ALDH1A2: variants seen among roughly 807,000 people sequenced by gnomAD.
ALDH1A2 encodes the protein retinal dehydrogenase 2.
ALDH1A2 carries 27 observed loss-of-function variants against 60.3 expected under a neutral mutation model. The ratio of observed to expected loss-of-function variants is 0.45; its 90% CI spans 0.33 to 0.62. The LOEUF is 0.62. Ranked by LOEUF, ALDH1A2 falls within the 20% of genes least tolerant of loss-of-function variation. The pLI is 0.02. For missense variants in ALDH1A2, 581 were observed against 643.8 expected (o/e 0.90, Z 1.06); for synonymous variants, 289 against 232.4 (o/e 1.24, Z -2.21).
chr15:57,975,614 A>G (rs1894222295), intron 7 of ALDH1A2, among the ~76,000 whole-genome samples: 1 of 152,230 alleles, frequency 6.6e-6, no homozygotes, highest in Admixed American at 6.5e-5. Context: ...TGAATTCAGA[A>G]TAGTTAAACT....
At chr15:57,996,980 G>C (rs1895085461) in intron 4 of ALDH1A2, among the ~76,000 whole-genome samples, 1 of 151,940 alleles carries the variant, frequency 6.6e-6, no homozygotes. Flanking sequence ...GGATATTAAG[G>C]AAATTAGGCC....
At chr15:57,974,853 C>T (rs1289269698) in intron 7 of ALDH1A2, among the ~76,000 whole-genome samples, 1 of 152,158 alleles carries the variant, frequency 6.6e-6, no homozygotes, top group East Asian at 1.9e-4. Context: ...CCAGAATATA[C>T]TAACAATTTT....
At chr15:57,955,910 T>C (rs1414777774) in intron 12 of ALDH1A2, among the ~76,000 whole-genome samples, 3 of 152,168 alleles carry the variant, frequency 2.0e-5, no homozygotes, top group Non-Finnish European at 4.4e-5. Flanking sequence ...TCTATTTCAT[T>C]ATAAAATCAC....
intron 10 of ALDH1A2, 69 bp from the exon 11 acceptor site, chr15:57,961,363 G>A: frequency 3.2e-6 from 5 of 1,560,516 alleles, no homozygotes; most frequent in East Asian, 2.3e-5. Flanking sequence ...ACATTTCAAT[G>A]CAAGTTTACT....
chr15:57,960,930 A>AT, intron 11 of ALDH1A2, 86 bp from the exon 12 acceptor site: 1 of 1,424,138 alleles, frequency 7.0e-7, no homozygotes, highest in Non-Finnish European at 9.7e-7. Context: ...TAGAAGTTTT[A>AT]TTTTTAAATT....
At chr15:57,999,152 T>A (rs1280036923) in intron 4 of ALDH1A2, among the ~76,000 whole-genome samples, 1 of 152,102 alleles carries the variant, frequency 6.6e-6, no homozygotes, top group Non-Finnish European at 1.5e-5. Flanking sequence ...CAAGATTGCA[T>A]GATGAAAACG....
chr15:58,043,820 A>G (rs1896575855), intron 1 of ALDH1A2, among the ~76,000 whole-genome samples: 2 of 152,018 alleles, frequency 1.3e-5, no homozygotes, highest in East Asian at 3.9e-4. Context: ...CTATTTTAAA[A>G]TGCTCTAATG....
Position 57,995,065 on chromosome 15 carries a change from G to A in ALDH1A2, c.555+13C>T. 1 of 1,605,636 alleles carries A rather than the reference G, an allele frequency of 6.2e-7. No individual in the cohort carries two copies. Among genetic ancestry groups the A allele is most frequent in the Non-Finnish European group, 8.5e-7 (1 of 1,172,670 alleles). On this transcript the variant is annotated intron_variant, in intron 5 of 12. Coordinates refer to ENST00000249750, the MANE Select transcript of ALDH1A2 (RefSeq NM_003888.4). ...AATGAAAATAAATACGAGGTGCGAG[G>A]AAATACACTCACTGGGATGATCTGT...
chr15:58,027,935 A>C lies in ALDH1A2; in HGVS notation c.118-13654T>G, dbSNP rs541588996. On this transcript the variant is annotated intron_variant, in intron 1 of 12. Transcript: ENST00000249750. ...ACTCTATGTTTGATTGGTGTACCTGAAAGTGACGGGGACAATGGAACCAAG... is the reference window on the plus strand; with the variant it reads ...ACTCTATGTTTGATTGGTGTACCTGCAAGTGACGGGGACAATGGAACCAAG... Among the ~76,000 whole-genome samples, 73 of 152,222 alleles carry C rather than the reference A, an allele frequency of 4.8e-4. 1 individual carries two copies. Among genetic ancestry groups the C allele is most frequent in the Non-Finnish European group, 1.5e-4 (10 of 68,046 alleles).
intron 1 of ALDH1A2, among the ~76,000 whole-genome samples, chr15:58,041,924 T>C (rs1477968514): frequency 6.6e-6 from 1 of 151,932 alleles, no homozygotes; most frequent in African/African-American, 2.4e-5. Flanking sequence ...TCCAACACCA[T>C]ATCGTAGTAA....
At chr15:57,973,752 C>A (rs1213176289) in intron 7 of ALDH1A2, among the ~76,000 whole-genome samples, 1 of 152,178 alleles carries the variant, frequency 6.6e-6, no homozygotes, top group African/African-American at 2.4e-5. Context: ...TAAGAGATAA[C>A]CTAGAAGTCA....
chr15:58,050,368 T>G (rs1896744668), intron 1 of ALDH1A2, among the ~76,000 whole-genome samples: 1 of 152,112 alleles, frequency 6.6e-6, no homozygotes, highest in South Asian at 2.1e-4. Context: ...GCTGCCCGTT[T>G]TAGCAAATAA....
At chr15:58,024,643 C>G (rs1446226045) in intron 1 of ALDH1A2, among the ~76,000 whole-genome samples, 2 of 152,166 alleles carry the variant, frequency 1.3e-5, no homozygotes, top group Non-Finnish European at 2.9e-5. Flanking sequence ...CAGCACTAGA[C>G]AGATCATCTA....
At position 57,987,232 on chromosome 15, in the gene ALDH1A2, C is replaced by T. The variant is rs1223915661; in HGVS notation, c.798+5473G>A. Reference sequence around the variant, plus strand: ...ACCTAACATATCTGTAAACAGAAGGCGGAAGTAGAAAGCAAAAAAAAAAGA... The same window carrying T: ...ACCTAACATATCTGTAAACAGAAGGTGGAAGTAGAAAGCAAAAAAAAAAGA... On this transcript the variant is annotated intron_variant, in intron 7 of 12. Coordinates refer to ENST00000249750, the MANE Select transcript of ALDH1A2 (RefSeq NM_003888.4). Among the ~76,000 whole-genome samples, 6 of 150,670 alleles carry T rather than the reference C, an allele frequency of 4.0e-5. No homozygotes were observed. The East Asian group carries it at 5.8e-4, about 15-fold the overall frequency.
At chr15:58,051,047 C>A (rs1896763566) in intron 1 of ALDH1A2, among the ~76,000 whole-genome samples, 2 of 152,120 alleles carry the variant, frequency 1.3e-5, no homozygotes, top group Non-Finnish European at 2.9e-5. Context: ...ATCATTTTTA[C>A]ATATCTGTTG....
At chr15:58,001,511 C>T (rs968148575) in intron 4 of ALDH1A2, among the ~76,000 whole-genome samples, 2 of 151,934 alleles carry the variant, frequency 1.3e-5, no homozygotes, top group African/African-American at 4.8e-5. Flanking sequence ...GCGCCTCTCT[C>T]CCTTTCATCT....
intron 1 of ALDH1A2, among the ~76,000 whole-genome samples, chr15:58,064,858 TA>T (rs4646550): frequency 5.7e-4 from 83 of 144,626 alleles, no homozygotes; most frequent in East Asian, 1.8e-3. Flanking sequence ...ACGTTCGTTA[TA>T]AAAAAAAAAA....
chr15:57,986,765 T>C lies in ALDH1A2; in HGVS notation c.798+5940A>G, dbSNP rs545212482. ...TTGGCTCACTGCAACCTCTGCCTCCTGGGTTCAAGGAATTCTCCTGCCTCA... is the reference window on the plus strand; with the variant it reads ...TTGGCTCACTGCAACCTCTGCCTCCCGGGTTCAAGGAATTCTCCTGCCTCA... On this transcript the variant is annotated intron_variant, in intron 7 of 12. Coordinates refer to ENST00000249750, the MANE Select transcript of ALDH1A2 (RefSeq NM_003888.4). 9.9e-5 allele frequency among the ~76,000 whole-genome samples: 15 copies of C among 152,118 alleles called. No homozygotes were observed. In the South Asian group the frequency reaches 2.3e-3, roughly 23 times the overall value.
chr15:57,997,690 G>C (rs1199982926), intron 4 of ALDH1A2, among the ~76,000 whole-genome samples: 2 of 151,860 alleles, frequency 1.3e-5, no homozygotes, highest in African/African-American at 4.8e-5. Flanking sequence ...AAAGTGAAAG[G>C]GAAGAAAATG....
Sources: allele counts gnomAD v4.1 joint callset (sites outside exome capture counted in the v4.1 genomes callset), GRCh38; gene constraint gnomAD v4.1.1; transcripts MANE v1.5; gene names NCBI Gene and HGNC (gene_info 2026-07-23, HGNC 2026-07-21).